HOPX: variants seen among roughly 807,000 people sequenced by gnomAD.
The protein encoded by HOPX is HOP homeobox, also known as homeodomain-only protein.
Under a neutral mutation model 11.8 loss-of-function variants are expected in HOPX, and 5 were observed. That is an observed-to-expected ratio of 0.43 (90% confidence interval 0.22 to 0.89). The LOEUF (loss-of-function observed/expected upper bound fraction) is 0.89, where lower values mean the gene tolerates loss of function less well. Among genes scored for constraint, HOPX ranks in the 40% least tolerant of loss-of-function variants. The probability of loss-of-function intolerance (pLI) is 0.28; values close to 1 mark genes in which losing one functional copy is unlikely to be tolerated. For synonymous variants in HOPX, 49 were observed against 49.7 expected (o/e 0.99, Z 0.06); for missense variants, 119 against 120.0 (o/e 0.99, Z 0.04).
chr4:56,652,465 T>C (rs1717294243), intron 3 of HOPX, among the ~76,000 whole-genome samples: 1 of 152,108 alleles, frequency 6.6e-6, no homozygotes, highest in African/African-American at 2.4e-5. Flanking sequence ...AAATGTTAGT[T>C]TGGCTTTAGT....
upstream of HOPX, chr4:56,681,470 C>G: frequency 1.0e-6 from 1 of 993,414 alleles, no homozygotes; most frequent in Non-Finnish European, 1.2e-6. Context: ...CCTGGTTATT[C>G]AGGTTTGATG....
Position 56,648,763 on chromosome 4 carries a change from C to T in HOPX, c.233G>A (p.Arg78His), listed in dbSNP as rs187930377. 78 of 1,610,382 alleles carry T rather than the reference C, an allele frequency of 4.8e-5. 1 individual carries two copies. Among genetic ancestry groups the T allele is most frequent in the Admixed American group, 2.7e-4 (16 of 59,972 alleles). ...GCACTCTGAGGGCAGGCCTTCTGAG[C>T]GCCGCCACTTTGCCAGGCGCTGCTT... Reference protein sequence around the residue: ...WFKQRLAKWRRSEGLPSECRS... With the variant: ...WFKQRLAKWRHSEGLPSECRS... The change falls in exon 4 of 4, where the codon CGC becomes CAC. Residue 78 changes from arginine to histidine, a missense_variant. By Grantham distance (29) the Arg-to-His change is conservative. Coordinates refer to ENST00000420433, the MANE Select transcript of HOPX (RefSeq NM_032495.6).
intron 1 of HOPX, 129 bp downstream of exon 1, chr4:56,681,126 T>A (rs1190961803): frequency 2.1e-6 from 2 of 973,376 alleles, no homozygotes; most frequent in African/African-American, 1.8e-5. Flanking sequence ...AAGCTTGTCA[T>A]TCCTATTCTC....
At chr4:56,656,634 G>C (rs1452815004) in intron 2 of HOPX, 1 of 199,266 alleles carries the variant, frequency 5.0e-6, no homozygotes, top group East Asian at 1.9e-4. Context: ...GGAGACGGAG[G>C]CGGTGCTTTT....
chr4:56,653,476 G>T (rs2109465982), intron 3 of HOPX, among the ~76,000 whole-genome samples: 1 of 152,316 alleles, frequency 6.6e-6, no homozygotes, highest in East Asian at 1.9e-4. Flanking sequence ...AGAGGGGAAA[G>T]AATGGGAAAT....
chr4:56,667,874 C>T (rs35229102), intron 1 of HOPX, among the ~76,000 whole-genome samples: 1 of 152,084 alleles, frequency 6.6e-6, no homozygotes, highest in Non-Finnish European at 1.5e-5. Flanking sequence ...TAAAGGGACC[C>T]GATATCCAGG....
chr4:56,652,793 C>T (rs1480697603), intron 3 of HOPX, among the ~76,000 whole-genome samples: 1 of 151,380 alleles, frequency 6.6e-6, no homozygotes, highest in Non-Finnish European at 1.5e-5. Flanking sequence ...GTACTCCAGC[C>T]TGAATGACAG....
At chr4:56,651,873 A>AGAGTGTGT (rs1165596516) in intron 3 of HOPX, among the ~76,000 whole-genome samples, 3 of 136,762 alleles carry the variant, frequency 2.2e-5, no homozygotes, top group South Asian at 2.3e-4. Flanking sequence ...AGAGAGAGAG[A>AGAGTGTGT]GTGTGTGTGT....
intron 3 of HOPX, among the ~76,000 whole-genome samples, chr4:56,654,299 C>G (rs139108593): frequency 6.6e-6 from 1 of 152,324 alleles, no homozygotes. Context: ...CAAAGGTCAA[C>G]GTAATTATGC....
At chr4:56,672,574 A>T (rs1028669881) in intron 1 of HOPX, 3 of 151,768 alleles carry the variant, frequency 2.0e-5, no homozygotes, top group Non-Finnish European at 2.9e-5. Flanking sequence ...AGAAAAGAAG[A>T]TGACATTGAA....
intron 3 of HOPX, among the ~76,000 whole-genome samples, chr4:56,655,596 ACCGAG>A (rs1323157166): frequency 1.8e-3 from 73 of 41,108 alleles, no homozygotes; most frequent in African/African-American, 0.013. Flanking sequence ...AGGACTGGTG[ACCGAG>A]GGGTTTCTGC....
In HOPX at chr4:56,670,976, GA is replaced by G. The variant is rs533268070; in HGVS notation, c.-84+10278del. On this transcript the variant is annotated intron_variant, in intron 1 of 3. Coordinates refer to ENST00000420433, the MANE Select transcript of HOPX (RefSeq NM_032495.6). The stretch of plus-strand genomic sequence containing the variant: ...TGTGCCGTTGCACTCCAGCCTGGGT[GA>G]AAAAAAAAAAAAATCAAATACAGAT... Among the ~76,000 whole-genome samples the G allele has an allele frequency of 7.8e-3, 1,075 of 137,652 alleles. 2 individuals are homozygous for G. Among genetic ancestry groups the G allele is most frequent in the Middle Eastern group, 0.011 (3 of 262 alleles). 90.3% of individuals were successfully genotyped at this position (137,652 alleles called of 152,430 possible). A position where few individuals can be genotyped will look rare whatever the true frequency, so the allele number is the denominator to read the frequency against.
Position 56,648,457 on chromosome 4 carries a change from TC to T in HOPX, c.*262del, listed in dbSNP as rs1716854167. The T allele has an allele frequency of 2.9e-6, 1 of 350,574 alleles. No homozygotes were observed. Among genetic ancestry groups the T allele is most frequent in the Admixed American group, 4.6e-5 (1 of 21,632 alleles). The allele number at this position is 350,574 out of a possible 1,614,324, so 21.7% of individuals were successfully genotyped here. ...TAGATGGTTTTCACACCATCTGTCA[TC>T]ATGACTCAAAGGGAAATGCTAGCCA... On this transcript the variant is annotated 3_prime_UTR_variant, in exon 4 of 4. Coordinates refer to ENST00000420433, the MANE Select transcript of HOPX (RefSeq NM_032495.6).
chr4:56,657,730 C>A, intron 2 of HOPX, 45 bp downstream of exon 2: 1 of 825,300 alleles, frequency 1.2e-6, no homozygotes, highest in South Asian at 1.4e-5. Context: ...ATTGCCCGTA[C>A]CTTTGACACA....
intron 1 of HOPX, among the ~76,000 whole-genome samples, chr4:56,676,255 G>A (rs950081531): frequency 6.6e-6 from 1 of 151,412 alleles, no homozygotes; most frequent in African/African-American, 2.5e-5. Flanking sequence ...CCGAGATCAT[G>A]ACACTGTACT....
At chr4:56,650,856 C>T (rs1188632004) in intron 3 of HOPX, 14 of 1,501,642 alleles carry the variant, frequency 9.3e-6, no homozygotes, top group Non-Finnish European at 1.2e-5. Flanking sequence ...CAGCTTCAAT[C>T]GAAATTCTAC....
intron 1 of HOPX, chr4:56,659,312 A>G (rs1380227031): frequency 3.9e-5 from 6 of 152,196 alleles, no homozygotes; most frequent in Non-Finnish European, 8.8e-5. Flanking sequence ...CCTGGAAGCA[A>G]TGGGCTCTTG....
At chr4:56,651,189 G>A (rs1419123242) in intron 3 of HOPX, 1 of 158,330 alleles carries the variant, frequency 6.3e-6, no homozygotes, top group Non-Finnish European at 1.4e-5. Context: ...GAATATTGAT[G>A]GACTGTTACT....
intron 3 of HOPX, chr4:56,650,821 G>A: frequency 6.5e-7 from 1 of 1,538,378 alleles, no homozygotes; most frequent in East Asian, 2.4e-5. Flanking sequence ...CCCTTCATGA[G>A]AAGAGAGAAC....
Sources: allele counts gnomAD v4.1 joint callset (sites outside exome capture counted in the v4.1 genomes callset), GRCh38; gene constraint gnomAD v4.1.1; transcripts MANE v1.5; gene names NCBI Gene and HGNC (gene_info 2026-07-23, HGNC 2026-07-21).